The following COL5A3 variants were observed in gnomAD, a reference collection of about 807,000 sequenced individuals.
COL5A3 encodes the protein collagen type V alpha 3 chain, also known as collagen alpha-3(V) chain.
Under a neutral mutation model 250.0 loss-of-function variants are expected in COL5A3, and 172 were observed. The ratio of observed to expected loss-of-function variants is 0.69; its 90% confidence interval spans 0.61 to 0.78. The LOEUF (loss-of-function observed/expected upper bound fraction) is 0.78, where lower values mean the gene tolerates loss of function less well. COL5A3 is among the 30% of genes least tolerant of loss of function. COL5A3 has a pLI of 0.00. For missense variants in COL5A3, 2,340 were observed against 2,334.4 expected (o/e 1.00, Z -0.05); for synonymous variants, 937 against 900.4 (o/e 1.04, Z -0.73).
chr19:9,972,921 C>T lies in COL5A3; in HGVS notation c.3772G>A (p.Val1258Met), dbSNP rs201036569. ...CCCCACTTCCCCCCAGGACTCACCACGCTCCCTTTGGCTCCATCCTCTCCA... is the reference window on the plus strand; with the variant it reads ...CCCCACTTCCCCCCAGGACTCACCATGCTCCCTTTGGCTCCATCCTCTCCA... Reference protein sequence around the residue: ...PPGEDGAKGSVGPTGLPGDLG... With the variant: ...PPGEDGAKGSMGPTGLPGDLG... The change falls in exon 51 of 67, where the codon GTG (valine) becomes ATG (methionine). Residue 1258 changes from valine to methionine, a missense_variant and splice_region_variant. Coordinates refer to ENST00000264828, the MANE Select transcript of COL5A3 (RefSeq NM_015719.4). 3.2e-5 allele frequency: 51 copies of T among 1,606,462 alleles called. No individual in the cohort carries two copies. Among genetic ancestry groups the T allele is most frequent in the South Asian group, 2.0e-4 (18 of 89,406 alleles).
chr19:9,991,161 C>A (rs140083474), intron 24 of COL5A3, among the ~76,000 whole-genome samples: 13 of 152,286 alleles, frequency 8.5e-5, no homozygotes, highest in African/African-American at 3.1e-4. Flanking sequence ...AGAACCACCT[C>A]GCCTGGGGAA....
At chr19:9,979,099 T>A (rs368683838) in intron 39 of COL5A3, 33 bp downstream of exon 39, 2 of 1,500,544 alleles carry the variant, frequency 1.3e-6, no homozygotes, top group Non-Finnish European at 1.8e-6. Context: ...ATCTTGGATG[T>A]TCAACCAAGA....
Position 9,961,061 on chromosome 19 carries a change from C to T in COL5A3, c.4852-171G>A, listed in dbSNP as rs549472505. Among the ~76,000 whole-genome samples, 4 of 152,232 alleles carry T rather than the reference C, an allele frequency of 2.6e-5. No homozygotes were observed. In the East Asian group the frequency reaches 7.7e-4, roughly 29 times the overall value. ...ATCCCTGGCAGAATCCCAAGAGTCA[C>T]CTGAACATCCACTCTGTCCACCTCT... On this transcript the variant is annotated intron_variant, in intron 65 of 66. Coordinates refer to ENST00000264828, the MANE Select transcript of COL5A3 (RefSeq NM_015719.4).
In COL5A3 at chr19:9,980,820, G is replaced by A; in HGVS notation, c.2545C>T (p.Gln849Ter). Residue 849 changes from glutamine to a stop codon, truncating the protein, a stop_gained, in exon 34 of 67, where the codon CAA (glutamine) becomes TAA (stop). Coordinates refer to ENST00000264828, the MANE Select transcript of COL5A3 (RefSeq NM_015719.4). LOFTEE classifies it high-confidence loss of function. ...GERGQPGATGQPGPKGDVGQD... is the reference protein window; with the variant it reads ...GERGQPGATG Reference sequence around the variant, plus strand: ...CCATCCCATACCTTGGGGCCTGGTTGCCCTGTGGCACCCGGTTGCCCCCTC... The same window carrying A: ...CCATCCCATACCTTGGGGCCTGGTTACCCTGTGGCACCCGGTTGCCCCCTC... 6.2e-7 allele frequency: 1 copy of A among 1,612,506 alleles called. No individual in the cohort carries two copies. Among genetic ancestry groups the A allele is most frequent in the Non-Finnish European group, 8.5e-7 (1 of 1,179,330 alleles).
intron 6 of COL5A3, 73 bp downstream of exon 6, chr19:10,003,492 G>T: frequency 6.8e-7 from 1 of 1,466,396 alleles, no homozygotes; most frequent in South Asian, 1.2e-5. Flanking sequence ...CAAGCACCAA[G>T]ACCAGAAGTC....
At chr19:10,001,295 G>C (rs890450547) in intron 8 of COL5A3, among the ~76,000 whole-genome samples, 3 of 151,652 alleles carry the variant, frequency 2.0e-5, no homozygotes, top group African/African-American at 4.8e-5. Context: ...ACAGGCGCGC[G>C]CCACCGCTCC....
rs115923667 is a variant in COL5A3, at chr19:9,973,036, A to G, written c.3667-10T>C. 2,092 of 1,598,304 alleles carry G rather than the reference A, an allele frequency of 1.3e-3. 23 individuals are homozygous for G. The African/African-American group carries it at 0.024, about 19-fold the overall frequency. ...TGTCTCCCTTGGGCCCCTTTACAGA[A>G]AGAGGTCAGAGGTCAGAGTGGCCTG... On this transcript the variant is annotated splice_polypyrimidine_tract_variant and intron_variant, in intron 50 of 66. Transcript: ENST00000264828.
At chr19:9,973,896 C>A in intron 48 of COL5A3, 23 bp downstream of exon 48, 2 of 1,591,736 alleles carry the variant, frequency 1.3e-6, no homozygotes, top group Admixed American at 1.7e-5. Flanking sequence ...TCTGAGCCTT[C>A]CTGGCCCCCC....
intron 27 of COL5A3, among the ~76,000 whole-genome samples, chr19:9,988,328 G>A (rs1340823791): frequency 1.3e-5 from 2 of 152,208 alleles, no homozygotes; most frequent in Non-Finnish European, 2.9e-5. Context: ...GCCTGCTACA[G>A]TATAGCCAAT....
intron 30 of COL5A3, 130 bp from the exon 31 acceptor site, chr19:9,986,025 G>C: frequency 1.3e-6 from 1 of 796,476 alleles, no homozygotes; most frequent in South Asian, 1.5e-5. Context: ...TCAAGTCCTT[G>C]CTCCTGCCTG....
At position 9,962,760 on chromosome 19, in the gene COL5A3, C is replaced by T. The variant is rs942307695; in HGVS notation, c.4851+59G>A. On this transcript the variant is annotated intron_variant, in intron 65 of 66. Coordinates refer to ENST00000264828, the MANE Select transcript of COL5A3 (RefSeq NM_015719.4). ...ACCTCTCAGAACCCACCCCTCAAAC[C>T]CCCCTGCTGGTTCCCATCAATTTTC... 2.9e-6 allele frequency: 4 copies of T among 1,386,310 alleles called. No individual in the cohort carries two copies. In the South Asian group the frequency reaches 3.7e-5, roughly 13 times the overall value. The allele number at this position is 1,386,310 out of a possible 1,614,324, so 85.9% of individuals were successfully genotyped here.
At position 9,986,831 on chromosome 19, in the gene COL5A3, C is replaced by T. The variant is rs562338533; in HGVS notation, c.2146-73G>A. 65 of 1,540,272 alleles carry T rather than the reference C, an allele frequency of 4.2e-5. No individual in the cohort carries two copies. The South Asian group carries it at 6.9e-4, about 16-fold the overall frequency. ...AGTGACCCAGACTCAGTCCCCTGCTCTAAAGCAGCCAGGATAGTCCCAAGA... is the reference window on the plus strand; with the variant it reads ...AGTGACCCAGACTCAGTCCCCTGCTTTAAAGCAGCCAGGATAGTCCCAAGA... On this transcript the variant is annotated intron_variant, in intron 27 of 66. Transcript: ENST00000264828.
chr19:9,979,385 T>C lies in COL5A3; in HGVS notation c.2745A>G (p.Pro915=). ...GFQGQTGPPG[P]AGVLGPQGKT... is the part of the protein sequence containing the mutation. ...TGACCTGAGGGCCTAAGACACCAGC[T>C]GGTCCAGGCGGGCCTGTCTGACCTT... Residue 915 remains proline (P), a synonymous_variant, in exon 38 of 67, where the codon CCA becomes CCG. Coordinates refer to ENST00000264828, the MANE Select transcript of COL5A3 (RefSeq NM_015719.4). The C allele has an allele frequency of 6.2e-7, 1 of 1,614,062 alleles. No homozygotes were observed. The highest frequency in any genetic ancestry group is 8.5e-7 in the Non-Finnish European group (1 of 1,179,998).
At chr19:9,970,196 G>A (rs1599533064) in intron 54 of COL5A3, among the ~76,000 whole-genome samples, 1 of 32,472 alleles carries the variant, frequency 3.1e-5, no homozygotes, top group Admixed American at 2.2e-4. Flanking sequence ...TGGGGTCTGT[G>A]GGTGAGTGGG....
chr19:9,962,923 C>T (rs756964632), intron 64 of COL5A3, 36 bp from the exon 65 acceptor site: 7 of 1,498,974 alleles, frequency 4.7e-6, no homozygotes, highest in South Asian at 4.6e-5. Context: ...GTAGCTGACG[C>T]CCTTGGTGCC....
chr19:9,983,153 C>A (rs2087032963), intron 31 of COL5A3, among the ~76,000 whole-genome samples: 1 of 151,974 alleles, frequency 6.6e-6, no homozygotes, highest in Non-Finnish European at 1.5e-5. Flanking sequence ...GAGCCACCAA[C>A]CTGGCCCCAA....
chr19:9,976,521 G>A (rs1026680543), intron 45 of COL5A3, 37 bp downstream of exon 45: 9 of 1,498,514 alleles, frequency 6.0e-6, no homozygotes, highest in Non-Finnish European at 8.1e-6. Flanking sequence ...CTCCCTTCAA[G>A]GACCCAGAGA....
intron 6 of COL5A3, 56 bp downstream of exon 6, chr19:10,003,509 T>C (rs2087392700): frequency 5.1e-6 from 8 of 1,569,776 alleles, no homozygotes; most frequent in Non-Finnish European, 7.0e-6. Flanking sequence ...AGTCAGACAG[T>C]CAAGACCGGA....
intron 37 of COL5A3, 54 bp from the exon 38 acceptor site, chr19:9,979,471 A>G: frequency 6.3e-7 from 1 of 1,580,716 alleles, no homozygotes; most frequent in African/African-American, 1.3e-5. Context: ...GGGATGGAGG[A>G]GCAGGAGACA....
Sources: gnomAD v4.1 joint callset for allele counts (sites outside exome capture counted in the v4.1 genomes callset) on GRCh38, gnomAD v4.1.1 for gene constraint, MANE v1.5 for transcripts, NCBI Gene and HGNC (gene_info 2026-07-23, HGNC 2026-07-21) for gene names.